The following IGF2BP2 variants were observed in gnomAD, a reference collection of about 807,000 sequenced individuals.
The protein encoded by IGF2BP2 is insulin-like growth factor 2 mRNA-binding protein 2.
Under a neutral mutation model 75.8 loss-of-function variants are expected in IGF2BP2, and 17 were observed. The observed-to-expected ratio is 0.22, with a 90% CI of 0.15 to 0.34. The LOEUF (loss-of-function observed/expected upper bound fraction) is 0.34, where lower values mean the gene tolerates loss of function less well. IGF2BP2 is among the 10% of genes least tolerant of loss of function. The probability of loss-of-function intolerance (pLI) is 1.00; values close to 1 mark genes in which losing one functional copy is unlikely to be tolerated. For synonymous variants in IGF2BP2, 288 were observed against 295.6 expected, an observed-to-expected ratio of 0.97 and a Z score of 0.26; for missense variants, 516 against 772.4, an observed-to-expected ratio of 0.67 and a Z score of 3.93.
rs1430672778 is a variant in IGF2BP2, at chr3:185,647,433, G to A, written c.1594-295C>T. Among the ~76,000 whole-genome samples, 1 of 152,012 alleles carries A rather than the reference G, an allele frequency of 6.6e-6. No homozygotes were observed. Among genetic ancestry groups the A allele is most frequent in the Non-Finnish European group, 1.5e-5 (1 of 67,986 alleles). ...CTGGAGTTCCCATCAACGCAGGCCT[G>A]CACATGCTCACAGAGACCCCAGGCT... On this transcript the variant is annotated intron_variant, in intron 14 of 15. Transcript: ENST00000382199. This position sits in a 1 kb window ranked among gnomAD's most constrained non-coding sequence, Gnocchi z 4.9.
At chr3:185,742,000 GAA>G (rs1729615639) in intron 2 of IGF2BP2, among the ~76,000 whole-genome samples, 1 of 152,176 alleles carries the variant, frequency 6.6e-6, no homozygotes, top group African/African-American at 2.4e-5. Context: ...AGAAGGAAAA[GAA>G]GAGATAATTC....
chr3:185,643,372 T>A lies in IGF2BP2; in HGVS notation c.*2159A>T, dbSNP rs1712967508. Among the ~76,000 whole-genome samples the A allele has an allele frequency of 6.6e-6, 1 of 152,216 alleles. No individual in the cohort carries two copies. ...TGGTCTTCTCTAGCTTGACATGCAG[T>A]CGATCCATCCCTCTAGCTCCGAGGT... is the stretch of plus-strand genomic sequence containing the variant. On this transcript the variant is annotated 3_prime_UTR_variant, in exon 16 of 16. Transcript: ENST00000382199.
chr3:185,800,453 G>C (rs11928319), intron 2 of IGF2BP2, among the ~76,000 whole-genome samples: 59,045 of 151,770 alleles, frequency 0.39, 12,418 homozygotes, highest in African/African-American at 0.57. Flanking sequence ...ATAAAAAAAA[G>C]TACTTGCTGA....
At chr3:185,751,980 TAAC>T (rs1731034037) in intron 2 of IGF2BP2, among the ~76,000 whole-genome samples, 1 of 152,042 alleles carries the variant, frequency 6.6e-6, no homozygotes, top group African/African-American at 2.4e-5. Flanking sequence ...ATAATAATAA[TAAC>T]AATAATAATC....
intron 2 of IGF2BP2, among the ~76,000 whole-genome samples, chr3:185,750,623 C>T (rs1047797379): frequency 1.3e-5 from 2 of 152,188 alleles, no homozygotes; most frequent in Non-Finnish European, 2.9e-5. Context: ...CCTACCTATC[C>T]AAGATTTCTC....
In IGF2BP2 at chr3:185,787,601, T is replaced by C. The variant is rs377298214; in HGVS notation, c.239+35552A>G. On this transcript the variant is annotated intron_variant, in intron 2 of 15. Transcript: ENST00000382199. The stretch of plus-strand genomic sequence containing the variant: ...TACAAAAATTAGCTGGGCGTGGTAG[T>C]GGGAGCCTGTAATTTCTGCTACTCA... Among the ~76,000 whole-genome samples the C allele has an allele frequency of 9.0e-4, 137 of 152,198 alleles. 1 individual carries two copies. Among genetic ancestry groups the C allele is most frequent in the African/African-American group, 2.7e-3 (113 of 41,538 alleles).
chr3:185,665,272 G>GAAGA (rs1717171561), intron 10 of IGF2BP2, among the ~76,000 whole-genome samples: 1 of 134,772 alleles, frequency 7.4e-6, no homozygotes, highest in South Asian at 2.6e-4. Context: ...GGAGGAGGAG[G>GAAGA]AGAAGGAGAA....
At chr3:185,658,433 G>C in intron 10 of IGF2BP2, 24 bp from the exon 11 acceptor site, 1 of 1,605,820 alleles carries the variant, frequency 6.2e-7, no homozygotes, top group Non-Finnish European at 8.5e-7. Flanking sequence ...GAAAGAGTCA[G>C]TGGGCGGGTG....
At chr3:185,799,327 G>A (rs989952749) in intron 2 of IGF2BP2, among the ~76,000 whole-genome samples, 2 of 152,154 alleles carry the variant, frequency 1.3e-5, no homozygotes, top group African/African-American at 4.8e-5. Context: ...GAGCCCAGAA[G>A]GCGGAGGCTG....
In IGF2BP2 at chr3:185,645,188, T is replaced by C. The variant is rs1326484867; in HGVS notation, c.*343A>G. Reference sequence around the variant, plus strand: ...AAAAGGGTGTGCATTTTGCTTGGCTTTGAACACGTTCACCTATGTTAGTTC... The same window carrying C: ...AAAAGGGTGTGCATTTTGCTTGGCTCTGAACACGTTCACCTATGTTAGTTC... On this transcript the variant is annotated 3_prime_UTR_variant, in exon 16 of 16. Coordinates refer to ENST00000382199, the MANE Select transcript of IGF2BP2 (RefSeq NM_006548.6). The surrounding 1 kb of genome is among the most constrained non-coding windows in gnomAD (Gnocchi z 4.9). 2 of 302,940 alleles carry C rather than the reference T, an allele frequency of 6.6e-6. No individual in the cohort carries two copies. The highest frequency in any genetic ancestry group is 1.2e-5 in the Non-Finnish European group (2 of 160,712). The allele number at this position is 302,940 out of a possible 1,614,324, so 18.8% of individuals were successfully genotyped here. A position where few individuals can be genotyped will look rare whatever the true frequency, so the allele number is the denominator to read the frequency against.
At position 185,659,144 on chromosome 3, in the gene IGF2BP2, A is replaced by G. The variant is rs188519466; in HGVS notation, c.1201-735T>C. ...TGAAGTGGGAGGATCACTTGAGCCTAGGAATTTGAGGCTGCAGTGAGCTAT... is the reference window on the plus strand; with the variant it reads ...TGAAGTGGGAGGATCACTTGAGCCTGGGAATTTGAGGCTGCAGTGAGCTAT... On this transcript the variant is annotated intron_variant, in intron 10 of 15. Transcript: ENST00000382199. Among the ~76,000 whole-genome samples the G allele has an allele frequency of 3.9e-3, 587 of 152,182 alleles. 2 individuals carry two copies. The highest frequency in any genetic ancestry group is 0.013 in the African/African-American group (551 of 41,524).
chr3:185,813,626 G>GA (rs1740205951), intron 2 of IGF2BP2, among the ~76,000 whole-genome samples: 1 of 152,154 alleles, frequency 6.6e-6, no homozygotes, highest in Admixed American at 6.5e-5. Flanking sequence ...CACTTCAGGG[G>GA]AAAAAAGTAA....
intron 10 of IGF2BP2, among the ~76,000 whole-genome samples, chr3:185,669,778 T>C (rs905773109): frequency 5.3e-5 from 8 of 152,186 alleles, no homozygotes; most frequent in African/African-American, 1.7e-4. Flanking sequence ...AATGCCTATG[T>C]GACAGGAAAA....
intron 2 of IGF2BP2, among the ~76,000 whole-genome samples, chr3:185,720,349 TTA>T (rs1726331883): frequency 1.3e-5 from 2 of 152,244 alleles, no homozygotes; most frequent in Admixed American, 6.5e-5. Flanking sequence ...AATTAATTAA[TTA>T]ATTTATTTTT....
chr3:185,739,106 C>A (rs2149553968), intron 2 of IGF2BP2, among the ~76,000 whole-genome samples: 1 of 152,124 alleles, frequency 6.6e-6, no homozygotes, highest in South Asian at 2.1e-4. Flanking sequence ...TCTTTGGTGG[C>A]ATATATAAAT....
chr3:185,821,035 G>A (rs760922281), intron 2 of IGF2BP2: 35 of 1,535,622 alleles, frequency 2.3e-5, no homozygotes, highest in Non-Finnish European at 3.0e-5. Flanking sequence ...AGCCATCAAC[G>A]TGGTAGTGTC....
chr3:185,665,311 C>G (rs774285945), intron 10 of IGF2BP2, among the ~76,000 whole-genome samples: 370 of 9,384 alleles, frequency 0.039, no homozygotes, highest in Middle Eastern at 0.12. Context: ...GGAGAAGGAG[C>G]AGAAGGAGAA....
In IGF2BP2 at chr3:185,729,354, T is replaced by G. The variant is rs74746941; in HGVS notation, c.240-31007A>C. 6.2e-3 allele frequency among the ~76,000 whole-genome samples: 951 copies of G among 152,294 alleles called. 7 individuals are homozygous for G. Among genetic ancestry groups the G allele is most frequent in the African/African-American group, 0.022 (900 of 41,552 alleles). ...GATCTGGGTAGCTCTCACACATTTT[T>G]CTTGAAATGAATAAAGTCCGCCTGT... On this transcript the variant is annotated intron_variant, in intron 2 of 15. Coordinates refer to ENST00000382199, the MANE Select transcript of IGF2BP2 (RefSeq NM_006548.6).
chr3:185,707,224 C>CA (rs1171145824), intron 2 of IGF2BP2, among the ~76,000 whole-genome samples: 1,303 of 86,030 alleles, frequency 0.015, 13 homozygotes, highest in African/African-American at 0.037. Context: ...AACTCCATCT[C>CA]AAAAAAAAAA....
Sources: allele counts gnomAD v4.1 joint callset (sites outside exome capture counted in the v4.1 genomes callset), GRCh38; gene constraint gnomAD v4.1.1; non-coding constraint Gnocchi (gnomAD v3.1); transcripts MANE v1.5; gene names NCBI Gene and HGNC (gene_info 2026-07-23, HGNC 2026-07-21).